Variants in FER observed in about 807,000 individuals in gnomAD.
The protein encoded by FER is tyrosine-protein kinase Fer.
FER carries 63 observed loss-of-function variants against 111.0 expected under a neutral mutation model. The ratio of observed to expected loss-of-function variants is 0.57; its 90% CI spans 0.46 to 0.70. The LOEUF (loss-of-function observed/expected upper bound fraction) is 0.70, where lower values mean the gene tolerates loss of function less well. Among genes scored for constraint, FER ranks in the 30% least tolerant of loss-of-function variants. FER has a pLI of 0.00. For missense variants in FER, 914 were observed against 954.0 expected, an observed-to-expected ratio of 0.96 and a Z score of 0.55; for synonymous variants, 327 against 313.9, an observed-to-expected ratio of 1.04 and a Z score of -0.44.
intron 13 of FER, among the ~76,000 whole-genome samples, chr5:109,005,368 C>T (rs1242637103): frequency 2.0e-5 from 3 of 149,606 alleles, no homozygotes; most frequent in Non-Finnish European, 1.5e-5. Context: ...AAAACTATCC[C>T]GTGTGTGTGT....
intron 11 of FER, among the ~76,000 whole-genome samples, chr5:108,953,942 A>G (rs917244424): frequency 1.3e-5 from 2 of 152,134 alleles, no homozygotes; most frequent in African/African-American, 4.8e-5. Flanking sequence ...AAAATGTGTG[A>G]TTTAATCTAC....
At chr5:108,834,976 G>A (rs1406426112) in intron 4 of FER, among the ~76,000 whole-genome samples, 3 of 152,068 alleles carry the variant, frequency 2.0e-5, no homozygotes, top group African/African-American at 7.2e-5. Context: ...CAAATTTGAA[G>A]ATCTGTAGAC....
chr5:108,799,209 A>C (rs962358174), intron 3 of FER, among the ~76,000 whole-genome samples: 2 of 152,248 alleles, frequency 1.3e-5, no homozygotes, highest in African/African-American at 4.8e-5. Flanking sequence ...TGTCATATAA[A>C]AATAAGGGCC....
intron 13 of FER, among the ~76,000 whole-genome samples, chr5:108,987,335 A>G (rs1762684552): frequency 6.6e-6 from 1 of 152,102 alleles, no homozygotes; most frequent in Non-Finnish European, 1.5e-5. Context: ...AATCCCAGCT[A>G]CTTGGGAGGC....
At chr5:109,032,161 G>A (rs1365044798) in intron 13 of FER, among the ~76,000 whole-genome samples, 1 of 152,166 alleles carries the variant, frequency 6.6e-6, no homozygotes, top group Non-Finnish European at 1.5e-5. Flanking sequence ...CTATGCCAGA[G>A]AGACTGCTGC....
chr5:108,783,596 C>T lies in FER; in HGVS notation c.-59-14528C>T, dbSNP rs983599685. On this transcript the variant is annotated intron_variant, in intron 2 of 19. Transcript: ENST00000281092. ...TAGTTCAACCTTTTATTTTCACAAG[C>T]AATCATCCTGTTTAGGTTTATCATG... Among the ~76,000 whole-genome samples, 19 of 152,240 alleles carry T rather than the reference C, an allele frequency of 1.2e-4. No individual in the cohort carries two copies. The South Asian group carries it at 3.5e-3, about 28-fold the overall frequency.
At chr5:108,849,905 A>G (rs929981886) in intron 5 of FER, among the ~76,000 whole-genome samples, 1 of 152,170 alleles carries the variant, frequency 6.6e-6, no homozygotes, top group African/African-American at 2.4e-5. Flanking sequence ...AAATCACATT[A>G]TTAGGGCCAG....
intron 16 of FER, among the ~76,000 whole-genome samples, chr5:109,084,940 G>A (rs1777395421): frequency 6.6e-6 from 1 of 151,748 alleles, no homozygotes; most frequent in Non-Finnish European, 1.5e-5. Flanking sequence ...ATTGATCTAT[G>A]TAATTATCCT....
chr5:108,951,141 G>A (rs149676773), intron 11 of FER, among the ~76,000 whole-genome samples: 47 of 152,012 alleles, frequency 3.1e-4, no homozygotes, highest in African/African-American at 1.1e-3. Context: ...GGGGTGGTGC[G>A]CAATCCCAGC....
chr5:108,762,348 A>G (rs752067039), intron 1 of FER, among the ~76,000 whole-genome samples: 23 of 152,274 alleles, frequency 1.5e-4, no homozygotes, highest in Admixed American at 3.3e-4. Context: ...GTCTTTCAGC[A>G]TACTCTGTTT....
intron 17 of FER, among the ~76,000 whole-genome samples, chr5:109,117,769 A>C (rs1430146419): frequency 1.3e-5 from 2 of 151,360 alleles, no homozygotes; most frequent in East Asian, 3.9e-4. Flanking sequence ...TCTTTGAAGC[A>C]ATTGTGAATG....
chr5:108,929,458 A>G (rs930436794), intron 10 of FER, among the ~76,000 whole-genome samples: 1 of 152,200 alleles, frequency 6.6e-6, no homozygotes, highest in Non-Finnish European at 1.5e-5. Flanking sequence ...ACTGTTTACT[A>G]GAATCACAGA....
chr5:109,184,252 T>C (rs528095634), intron 18 of FER, among the ~76,000 whole-genome samples: 8 of 152,182 alleles, frequency 5.3e-5, no homozygotes, highest in Non-Finnish European at 8.8e-5. Flanking sequence ...TACTGTGAAA[T>C]GGGAGGGAGG....
chr5:108,854,975 G>A (rs1422421839), intron 5 of FER, among the ~76,000 whole-genome samples: 2 of 141,216 alleles, frequency 1.4e-5, no homozygotes, highest in African/African-American at 2.6e-5. Context: ...AAAAAAAAGC[G>A]TAGAGGATTT....
intron 13 of FER, among the ~76,000 whole-genome samples, chr5:109,028,214 T>G (rs2149850785): frequency 6.6e-6 from 1 of 152,342 alleles, no homozygotes; most frequent in South Asian, 2.1e-4. Context: ...TTTTGTGATT[T>G]CATTTTTTGG....
intron 17 of FER, among the ~76,000 whole-genome samples, chr5:109,107,341 T>C (rs553886962): frequency 1.4e-4 from 21 of 152,280 alleles, no homozygotes; most frequent in African/African-American, 4.3e-4. Flanking sequence ...TTTTAACTTT[T>C]ATTTTAGGCT....
intron 10 of FER, among the ~76,000 whole-genome samples, chr5:108,905,474 A>G (rs938559889): frequency 6.6e-6 from 1 of 152,192 alleles, no homozygotes; most frequent in African/African-American, 2.4e-5. Context: ...TAAGAATTAA[A>G]TATCTACTAT....
intron 2 of FER, among the ~76,000 whole-genome samples, chr5:108,797,580 T>G (rs1756174176): frequency 6.6e-6 from 1 of 152,224 alleles, no homozygotes; most frequent in African/African-American, 2.4e-5. Context: ...AAGCATACTC[T>G]GTGCACCATG....
rs536381121 is a variant in FER at position 108,959,086 on chromosome 5, T to C, written c.1534-139T>C. On this transcript the variant is annotated intron_variant, in intron 12 of 19. Transcript: ENST00000281092. ...TTATCATCTTAACCATTTTTAAGGGTATAGTTCAGTAGTGTTAAGTATATT... is the reference window on the plus strand; with the variant it reads ...TTATCATCTTAACCATTTTTAAGGGCATAGTTCAGTAGTGTTAAGTATATT... The C allele has an allele frequency of 1.0e-4, 60 of 592,712 alleles. No homozygotes were observed. In the African/African-American group the frequency reaches 1.1e-3, roughly 11 times the overall value. 36.7% of individuals were successfully genotyped at this position (592,712 alleles called of 1,614,324 possible). A position where few individuals can be genotyped will look rare whatever the true frequency, so the allele number is the denominator to read the frequency against.
Sources: allele counts gnomAD v4.1 joint callset (sites outside exome capture counted in the v4.1 genomes callset), GRCh38; gene constraint gnomAD v4.1.1; transcripts MANE v1.5; gene names NCBI Gene and HGNC (gene_info 2026-07-23, HGNC 2026-07-21).